The following RAD51B variants were observed in gnomAD, a reference collection of about 807,000 sequenced individuals.
The protein encoded by RAD51B is RAD51 paralog B.
Under a neutral mutation model 42.2 loss-of-function variants are expected in RAD51B, and 38 were observed. That is an observed-to-expected ratio of 0.90 (90% CI 0.70 to 1.18). RAD51B has a LOEUF of 1.18. Ranked by LOEUF, RAD51B falls within the 50% of genes most tolerant of loss-of-function variation. The pLI is 0.00. For missense variants in RAD51B, 373 were observed against 400.7 expected, an observed-to-expected ratio of 0.93 and a Z score of 0.59; for synonymous variants, 154 against 145.2, an observed-to-expected ratio of 1.06 and a Z score of -0.43.
chr14:67,937,354 A>C (rs1476552481), intron 7 of RAD51B, among the ~76,000 whole-genome samples: 1 of 152,206 alleles, frequency 6.6e-6, no homozygotes, highest in Non-Finnish European at 1.5e-5. Flanking sequence ...AGAAAAGAAT[A>C]GTTGTTTCCT....
intron 7 of RAD51B, among the ~76,000 whole-genome samples, chr14:68,157,471 G>A (rs1720887381): frequency 6.6e-6 from 1 of 152,232 alleles, no homozygotes. Context: ...GAATTAGGTA[G>A]TGTAAGAATT....
At chr14:68,338,653 A>T (rs995195958) in intron 8 of RAD51B, 1 of 311,296 alleles carries the variant, frequency 3.2e-6, no homozygotes, top group Non-Finnish European at 6.3e-6. Context: ...TGCTTGCCAT[A>T]TTTTTTTTCT....
chr14:68,316,486 T>A (rs371945582), intron 8 of RAD51B, among the ~76,000 whole-genome samples: 11 of 152,310 alleles, frequency 7.2e-5, no homozygotes, highest in African/African-American at 2.6e-4. Flanking sequence ...TTAGCCAACA[T>A]GCAACATTAG....
chr14:67,953,053 G>T (rs1034513795), intron 7 of RAD51B, among the ~76,000 whole-genome samples: 1 of 152,088 alleles, frequency 6.6e-6, no homozygotes, highest in African/African-American at 2.4e-5. Context: ...GAGCAAAATG[G>T]ATATTACTTC....
At chr14:68,419,014 A>G (rs1046357774) in intron 9 of RAD51B, among the ~76,000 whole-genome samples, 17 of 152,200 alleles carry the variant, frequency 1.1e-4, no homozygotes, top group Non-Finnish European at 1.5e-5. Context: ...TAAAAATCCC[A>G]GGTGTTTGTG....
chr14:67,901,998 A>G (rs1223747984), intron 7 of RAD51B, among the ~76,000 whole-genome samples: 1 of 152,182 alleles, frequency 6.6e-6, no homozygotes, highest in Non-Finnish European at 1.5e-5. Flanking sequence ...CTTCATCACT[A>G]TGCAATATAT....
downstream of RAD51B, among the ~76,000 whole-genome samples, chr14:68,599,557 CAAG>C (rs1453818619): frequency 6.6e-6 from 1 of 152,232 alleles, no homozygotes; most frequent in African/African-American, 2.4e-5. Flanking sequence ...CAGAGGAAGA[CAAG>C]AAAGTTTTTC....
rs146138973 is a variant in RAD51B at position 68,552,065 on chromosome 14, C to G, written c.1037-42420C>G. Among the ~76,000 whole-genome samples the G allele has an allele frequency of 2.3e-3, 357 of 152,246 alleles. 3 individuals carry two copies. The highest frequency in any genetic ancestry group is 8.0e-3 in the African/African-American group (331 of 41,520). ...CCATTCTGTGCGTGTTTGTTTGTTT[C>G]TTTAATCAGGAAATTTTACATCCAC... On this transcript the variant is annotated intron_variant, in intron 10 of 10. Transcript: ENST00000487270.
rs1242616964 is a variant in RAD51B at position 68,648,110 on chromosome 14, C to T, written c.1037-2671C>T. ...ACGTGTGTGTATATATATATACACACACGTATATATATATACACACACGTA... is the reference window on the plus strand; with the variant it reads ...ACGTGTGTGTATATATATATACACATACGTATATATATATACACACACGTA... On this transcript the variant is annotated intron_variant, in intron 10 of 11. Coordinates refer to the RAD51B transcript ENST00000488612. Among the ~76,000 whole-genome samples the T allele has an allele frequency of 2.0e-3, 28 of 13,736 alleles. 2 individuals carry two copies. Among genetic ancestry groups the T allele is most frequent in the East Asian group, 0.016 (3 of 184 alleles). 9.0% of individuals were successfully genotyped at this position (13,736 alleles called of 152,430 possible). A position where few individuals can be genotyped will look rare whatever the true frequency, so the allele number is the denominator to read the frequency against.
At chr14:67,898,719 CAAAT>C (rs1171218628) in intron 7 of RAD51B, among the ~76,000 whole-genome samples, 3 of 152,100 alleles carry the variant, frequency 2.0e-5, no homozygotes, top group South Asian at 2.1e-4. Context: ...ATATGTCAAA[CAAAT>C]AAAAAGCCAG....
intron 10 of RAD51B, among the ~76,000 whole-genome samples, chr14:68,532,625 T>C (rs1442249039): frequency 6.6e-6 from 1 of 152,196 alleles, no homozygotes; most frequent in African/African-American, 2.4e-5. Flanking sequence ...ACATTGGGCA[T>C]AGGTGGATTT....
chr14:68,439,108 A>G (rs1307158829), intron 9 of RAD51B, among the ~76,000 whole-genome samples: 1 of 151,686 alleles, frequency 6.6e-6, no homozygotes, highest in East Asian at 1.9e-4. Context: ...TAGTTTGGAG[A>G]GGAGGGATGA....
chr14:67,887,266 C>A (rs1158258693), intron 7 of RAD51B, 62 bp downstream of exon 7: 1 of 1,341,276 alleles, frequency 7.5e-7, no homozygotes, highest in Admixed American at 2.1e-5. Context: ...ATATTACATT[C>A]ACTGACTTAT....
At chr14:67,863,959 G>C (rs1351339750) in intron 4 of RAD51B, among the ~76,000 whole-genome samples, 1 of 152,068 alleles carries the variant, frequency 6.6e-6, no homozygotes, top group African/African-American at 2.4e-5. Context: ...TATTATGGCA[G>C]AACAGGAGAG....
intron 7 of RAD51B, among the ~76,000 whole-genome samples, chr14:67,955,770 G>A (rs2074534985): frequency 6.6e-6 from 1 of 152,230 alleles, no homozygotes; most frequent in Non-Finnish European, 1.5e-5. Flanking sequence ...TTAGAGGACT[G>A]TGTAGACAAG....
chr14:68,398,565 C>A (rs1479090081), intron 8 of RAD51B, among the ~76,000 whole-genome samples: 1 of 152,102 alleles, frequency 6.6e-6, no homozygotes, highest in African/African-American at 2.4e-5. Context: ...TATCAGCCGC[C>A]CCTCCTACCA....
chr14:67,974,906 A>G (rs538458400), intron 7 of RAD51B, among the ~76,000 whole-genome samples: 3 of 152,264 alleles, frequency 2.0e-5, no homozygotes, highest in South Asian at 4.1e-4. Context: ...TTCCTCTTTT[A>G]TATGTGATAC....
intron 8 of RAD51B, among the ~76,000 whole-genome samples, chr14:68,330,644 G>A (rs1284365827): frequency 6.6e-6 from 1 of 152,234 alleles, no homozygotes; most frequent in East Asian, 1.9e-4. Flanking sequence ...TTCATAACAT[G>A]CCTTTGAAGA....
chr14:68,191,960 A>C (rs2079276167), intron 7 of RAD51B, among the ~76,000 whole-genome samples: 1 of 152,114 alleles, frequency 6.6e-6, no homozygotes. Context: ...TTTATGATAT[A>C]CTCAGATACA....
Sources: allele counts gnomAD v4.1 joint callset (sites outside exome capture counted in the v4.1 genomes callset), GRCh38; gene constraint gnomAD v4.1.1; transcripts MANE v1.5; gene names NCBI Gene and HGNC (gene_info 2026-07-23, HGNC 2026-07-21).